RPS6KA5: variants seen among roughly 807,000 people sequenced by gnomAD.
The protein encoded by RPS6KA5 is ribosomal protein S6 kinase A5, also known as ribosomal protein S6 kinase alpha-5.
RPS6KA5 carries 27 observed loss-of-function variants against 85.5 expected under a neutral mutation model. The observed-to-expected ratio is 0.32, with a 90% confidence interval of 0.23 to 0.44. RPS6KA5 has a LOEUF of 0.44. RPS6KA5 is among the 20% of genes least tolerant of loss of function. RPS6KA5 has a pLI of 1.00. For synonymous variants in RPS6KA5, 334 were observed against 348.2 expected (o/e 0.96, Z 0.46); for missense variants, 811 against 980.9 (o/e 0.83, Z 2.31).
intron 7 of RPS6KA5, among the ~76,000 whole-genome samples, chr14:90,914,682 T>C (rs1566734805): frequency 6.6e-6 from 1 of 152,112 alleles, no homozygotes; most frequent in Non-Finnish European, 1.5e-5. Flanking sequence ...GAGCAATTAA[T>C]AACAAAGTAT....
At chr14:90,946,248 A>T (rs1189837440) in intron 4 of RPS6KA5, among the ~76,000 whole-genome samples, 1 of 152,078 alleles carries the variant, frequency 6.6e-6, no homozygotes, top group Non-Finnish European at 1.5e-5. Context: ...TTGAGTGCCT[A>T]CTTGACTGCA....
At chr14:90,921,135 T>G (rs1411686421) in intron 6 of RPS6KA5, among the ~76,000 whole-genome samples, 6 of 152,158 alleles carry the variant, frequency 3.9e-5, no homozygotes, top group Non-Finnish European at 7.3e-5. Context: ...AAATATTAAC[T>G]AGATGTTAAA....
intron 1 of RPS6KA5, among the ~76,000 whole-genome samples, chr14:91,058,193 C>T (rs148778362): frequency 4.1e-4 from 63 of 152,208 alleles, no homozygotes; most frequent in African/African-American, 1.5e-3. Flanking sequence ...CCACTATATC[C>T]GGTCAGTTGT....
intron 2 of RPS6KA5, among the ~76,000 whole-genome samples, chr14:90,993,339 C>A (rs2040385542): frequency 6.6e-6 from 1 of 152,152 alleles, no homozygotes; most frequent in Non-Finnish European, 1.5e-5. Context: ...ACTCAGGGGG[C>A]TGAGGCAGGA....
intron 5 of RPS6KA5, among the ~76,000 whole-genome samples, chr14:90,931,250 C>A (rs1342834680): frequency 6.6e-6 from 1 of 152,100 alleles, no homozygotes; most frequent in African/African-American, 2.4e-5. Flanking sequence ...CATGCATGAA[C>A]CTTGAGAACT....
chr14:90,933,933 T>C (rs1300563989), intron 5 of RPS6KA5, among the ~76,000 whole-genome samples: 2 of 152,188 alleles, frequency 1.3e-5, no homozygotes, highest in Admixed American at 6.5e-5. Context: ...CTGAGATATC[T>C]ACATGGCTGA....
chr14:90,889,738 T>C (rs528461667), intron 14 of RPS6KA5, among the ~76,000 whole-genome samples: 16 of 152,158 alleles, frequency 1.1e-4, no homozygotes, highest in Non-Finnish European at 2.4e-4. Context: ...CAAATATGTA[T>C]ACATGTATAG....
chr14:91,023,241 G>A (rs1188468464), intron 1 of RPS6KA5, among the ~76,000 whole-genome samples: 2 of 151,884 alleles, frequency 1.3e-5, no homozygotes, highest in Non-Finnish European at 2.9e-5. Context: ...TAGATCCTCA[G>A]GGAGACTACC....
chr14:90,973,553 T>G (rs1378295213), intron 3 of RPS6KA5, among the ~76,000 whole-genome samples: 2 of 151,778 alleles, frequency 1.3e-5, no homozygotes, highest in South Asian at 4.2e-4. Flanking sequence ...GTGCAAGTTA[T>G]CCCTGAAGCA....
At chr14:91,008,740 G>A (rs1248954992) in intron 1 of RPS6KA5, among the ~76,000 whole-genome samples, 1 of 152,186 alleles carries the variant, frequency 6.6e-6, no homozygotes, top group African/African-American at 2.4e-5. Flanking sequence ...GGAACTAGCT[G>A]GCTCAAAACC....
intron 7 of RPS6KA5, among the ~76,000 whole-genome samples, chr14:90,919,180 G>C (rs2036273871): frequency 6.6e-6 from 1 of 152,216 alleles, no homozygotes; most frequent in South Asian, 2.1e-4. Context: ...TAGCTGTCTT[G>C]ATCTTCTTGG....
chr14:90,899,328 C>T lies in RPS6KA5; in HGVS notation c.1473+1G>A. 6.4e-7 allele frequency: 1 copy of T among 1,552,352 alleles called. No individual in the cohort carries two copies. Among genetic ancestry groups the T allele is most frequent in the Non-Finnish European group, 8.8e-7 (1 of 1,133,202 alleles). On this transcript the variant is annotated splice_donor_variant, in intron 12 of 16. Transcript: ENST00000614987. LOFTEE classifies it high-confidence loss of function. ...AAAAAAAAAAAAAAAAAGTAGGATA[C>T]CTGATCATGAAAAACTTCATGCAAC...
chr14:90,993,699 T>C (rs1383012898), intron 2 of RPS6KA5, among the ~76,000 whole-genome samples: 1 of 152,216 alleles, frequency 6.6e-6, no homozygotes, highest in Admixed American at 6.5e-5. Flanking sequence ...GGTATTTCTC[T>C]GTCTCATGTT....
In RPS6KA5 at chr14:91,001,081, G is replaced by A. The variant is rs575899274; in HGVS notation, c.175+7C>T. ...TTTTCCTTAAATATAATTAACTTAA[G>A]ACTTACCTCCAGTTCCTAGGACCTT... is the stretch of plus-strand genomic sequence containing the variant. On this transcript the variant is annotated splice_region_variant and intron_variant, in intron 2 of 16. Transcript: ENST00000614987. 6.0e-6 allele frequency: 9 copies of A among 1,499,770 alleles called. No homozygotes were observed. In the South Asian group the frequency reaches 9.8e-5, roughly 16 times the overall value. The allele number at this position is 1,499,770 out of a possible 1,614,324, so 92.9% of individuals were successfully genotyped here. A position where few individuals can be genotyped will look rare whatever the true frequency, so the allele number is the denominator to read the frequency against.
At chr14:90,969,818 T>A (rs1306309842) in intron 3 of RPS6KA5, among the ~76,000 whole-genome samples, 1 of 152,210 alleles carries the variant, frequency 6.6e-6, no homozygotes, top group Non-Finnish European at 1.5e-5. Flanking sequence ...CTGTTATTAA[T>A]TCCCACATGC....
intron 1 of RPS6KA5, among the ~76,000 whole-genome samples, chr14:91,007,574 A>G (rs914449796): frequency 6.6e-6 from 1 of 152,194 alleles, no homozygotes; most frequent in Non-Finnish European, 1.5e-5. Flanking sequence ...AATAGTTTTA[A>G]TGCTCTCACA....
intron 1 of RPS6KA5, among the ~76,000 whole-genome samples, chr14:91,013,295 C>G (rs2041338346): frequency 1.3e-5 from 2 of 152,190 alleles, no homozygotes; most frequent in Admixed American, 1.3e-4. Context: ...GACATACTCC[C>G]TGACCCCAAG....
intron 8 of RPS6KA5, among the ~76,000 whole-genome samples, chr14:90,903,549 T>C (rs1272438423): frequency 6.6e-6 from 1 of 152,216 alleles, no homozygotes. Flanking sequence ...TCTTTTCTTA[T>C]TCAACTGTGT....
At chr14:90,915,822 T>A (rs2036090872) in intron 7 of RPS6KA5, among the ~76,000 whole-genome samples, 1 of 150,890 alleles carries the variant, frequency 6.6e-6, no homozygotes, top group South Asian at 2.1e-4. Context: ...AAAAAATAAA[T>A]AAATAAATAA....
Sources: gnomAD v4.1 joint callset for allele counts (sites outside exome capture counted in the v4.1 genomes callset) on GRCh38, gnomAD v4.1.1 for gene constraint, MANE v1.5 for transcripts, NCBI Gene and HGNC (gene_info 2026-07-23, HGNC 2026-07-21) for gene names.